The following GNAO1 variants were observed in gnomAD, a reference collection of about 807,000 sequenced individuals.
GNAO1 encodes the protein G protein subunit alpha o1.
For missense variants in GNAO1, 166 were observed against 478.7 expected, an observed-to-expected ratio of 0.35 and a Z score of 6.10; for synonymous variants, 164 against 180.7, an observed-to-expected ratio of 0.91 and a Z score of 0.74.
chr16:56,276,208 A>G (rs1201054666), intron 3 of GNAO1, 136 bp downstream of exon 3: 1 of 714,090 alleles, frequency 1.4e-6, no homozygotes, highest in Non-Finnish European at 2.2e-6. Flanking sequence ...ATGGTGGCAC[A>G]GTCACCAACC....
intron 6 of GNAO1, chr16:56,346,312 G>A (rs1385739230): frequency 2.0e-6 from 2 of 985,450 alleles, no homozygotes; most frequent in East Asian, 1.1e-4. Context: ...GAGGAATGTT[G>A]CGAGTGACAC....
chr16:56,246,855 G>T (rs776347381), intron 2 of GNAO1, among the ~76,000 whole-genome samples: 1 of 152,114 alleles, frequency 6.6e-6, no homozygotes, highest in African/African-American at 2.4e-5. Flanking sequence ...TTTAAAGAGC[G>T]AATGTTTAAT....
intron 2 of GNAO1, among the ~76,000 whole-genome samples, chr16:56,254,172 A>G (rs2036825695): frequency 2.0e-5 from 3 of 152,206 alleles, no homozygotes; most frequent in Admixed American, 2.0e-4. Context: ...GATCTATTCC[A>G]GATTCAAGGA....
intron 2 of GNAO1, among the ~76,000 whole-genome samples, chr16:56,256,686 G>GTCTCTCTC: frequency 1.5e-5 from 2 of 136,528 alleles, no homozygotes; most frequent in Non-Finnish European, 3.1e-5. Flanking sequence ...CTTTCTCTCT[G>GTCTCTCTC]TCTCTCTCTC....
intron 2 of GNAO1, among the ~76,000 whole-genome samples, chr16:56,208,201 T>A (rs1177663207): frequency 1.3e-5 from 2 of 152,240 alleles, no homozygotes; most frequent in Non-Finnish European, 1.5e-5. Context: ...TATTCTATGG[T>A]ATTCATTTTA....
At chr16:56,225,327 A>C (rs191442012) in intron 2 of GNAO1, among the ~76,000 whole-genome samples, 115 of 152,328 alleles carry the variant, frequency 7.5e-4, no homozygotes, top group Non-Finnish European at 1.4e-3. Flanking sequence ...TGGTGCCTGG[A>C]AAGGGGAGCT....
At chr16:56,241,312 G>A (rs917569994) in intron 2 of GNAO1, among the ~76,000 whole-genome samples, 2 of 152,174 alleles carry the variant, frequency 1.3e-5, no homozygotes, top group Non-Finnish European at 2.9e-5. Flanking sequence ...CTCAAGCCCT[G>A]TCCTCAGGCT....
At chr16:56,258,917 C>T (rs2036878082) in intron 2 of GNAO1, among the ~76,000 whole-genome samples, 1 of 152,236 alleles carries the variant, frequency 6.6e-6, no homozygotes, top group Non-Finnish European at 1.5e-5. Flanking sequence ...ATTGTTATTG[C>T]TTCTCATTTT....
chr16:56,337,857 C>T (rs1200702543), intron 6 of GNAO1, among the ~76,000 whole-genome samples: 16 of 152,176 alleles, frequency 1.1e-4, no homozygotes, highest in African/African-American at 3.9e-4. Context: ...AGACAAGCCC[C>T]AACACTCCTG....
rs1472211867 is a variant in GNAO1, at chr16:56,334,256, A to C, written c.465-473A>C. On this transcript the variant is annotated intron_variant, in intron 4 of 8. Transcript: ENST00000262493. ...GCCGCTGAAGCCCCAGACAGTAATA[A>C]AATTATGGCCTCTGGAGCCAAGGGT... Among the ~76,000 whole-genome samples the C allele has an allele frequency of 6.6e-5, 10 of 152,178 alleles. No homozygotes were observed. The East Asian group carries it at 1.7e-3, about 26-fold the overall frequency.
At chr16:56,241,002 G>A (rs771231089) in intron 2 of GNAO1, among the ~76,000 whole-genome samples, 50 of 152,162 alleles carry the variant, frequency 3.3e-4, no homozygotes, top group Non-Finnish European at 5.3e-4. Context: ...CATCAGCACC[G>A]TCCAGCTCTC....
intron 2 of GNAO1, among the ~76,000 whole-genome samples, chr16:56,268,813 A>C (rs2036984118): frequency 6.6e-6 from 1 of 152,134 alleles, no homozygotes; most frequent in Non-Finnish European, 1.5e-5. Flanking sequence ...CAGCATTTTC[A>C]CTTTACCGTC....
Position 56,200,295 on chromosome 16 carries a change from T to C in GNAO1, c.161+7679T>C, listed in dbSNP as rs185431719. On this transcript the variant is annotated intron_variant, in intron 2 of 8. Coordinates refer to ENST00000262493, the MANE Select transcript of GNAO1 (RefSeq NM_020988.3). ...GCTCATAGTACAGCACCATGCCCAA[T>C]GCCTGGCACAAAGGAGGTCTTAATA... Among the ~76,000 whole-genome samples the C allele has an allele frequency of 5.3e-5, 8 of 152,288 alleles. No homozygotes were observed. In the East Asian group the frequency reaches 9.7e-4, roughly 18 times the overall value.
Position 56,192,206 on chromosome 16 carries a change from C to T in GNAO1, c.-30C>T, listed in dbSNP as rs1265381657. 3.1e-6 allele frequency: 4 copies of T among 1,282,720 alleles called. No individual in the cohort carries two copies. The highest frequency in any genetic ancestry group is 4.5e-6 in the Non-Finnish European group (4 of 895,846). The allele number at this position is 1,282,720 out of a possible 1,614,324, so 79.5% of individuals were successfully genotyped here. On this transcript the variant is annotated 5_prime_UTR_variant, in exon 1 of 9. Coordinates refer to ENST00000262493, the MANE Select transcript of GNAO1 (RefSeq NM_020988.3). The stretch of plus-strand genomic sequence containing the variant: ...AGCCGGGGAGCCGTGCCAGCCGAGT[C>T]GTGCGGGCTGTGGCAGGGAAGGGGC...
At chr16:56,325,124 C>T (rs188992144) in intron 3 of GNAO1, among the ~76,000 whole-genome samples, 1 of 152,342 alleles carries the variant, frequency 6.6e-6, no homozygotes, top group Non-Finnish European at 1.5e-5. Context: ...CTCTCTCCTC[C>T]GGCCTAATCA....
chr16:56,197,585 G>GT (rs2036244707), intron 2 of GNAO1, among the ~76,000 whole-genome samples: 2 of 152,216 alleles, frequency 1.3e-5, no homozygotes, highest in Admixed American at 6.5e-5. Context: ...CTATATGCTT[G>GT]TTGAAAAGGG....
intron 2 of GNAO1, among the ~76,000 whole-genome samples, chr16:56,228,923 AT>A (rs752360314): frequency 2.0e-5 from 3 of 152,220 alleles, no homozygotes; most frequent in Non-Finnish European, 4.4e-5. Flanking sequence ...GTTGTTATAC[AT>A]GTTTGTTAGT....
chr16:56,224,952 G>A (rs143570766), intron 2 of GNAO1, among the ~76,000 whole-genome samples: 1 of 152,364 alleles, frequency 6.6e-6, no homozygotes, highest in Non-Finnish European at 1.5e-5. Context: ...GGACAGAGCT[G>A]TGCTGTCATT....
chr16:56,286,095 C>T (rs1238578151), intron 3 of GNAO1, among the ~76,000 whole-genome samples: 2 of 152,126 alleles, frequency 1.3e-5, no homozygotes, highest in African/African-American at 4.8e-5. Flanking sequence ...TGGTATCTGC[C>T]CCTGCCCTGC....
Sources: allele counts gnomAD v4.1 joint callset (sites outside exome capture counted in the v4.1 genomes callset), GRCh38; gene constraint gnomAD v4.1.1; transcripts MANE v1.5; gene names NCBI Gene and HGNC (gene_info 2026-07-23, HGNC 2026-07-21).